The following FAM178B variants were observed in gnomAD, a reference collection of about 807,000 sequenced individuals.
FAM178B encodes family with sequence similarity 178 member B.
In FAM178B, 82 loss-of-function variants were observed where a neutral mutation model predicts 91.7. The observed-to-expected ratio is 0.89, with a 90% CI of 0.75 to 1.07. FAM178B has a LOEUF of 1.07. Among genes scored for constraint, FAM178B ranks in the 50% least tolerant of loss-of-function variants. The pLI is 0.00. For missense variants in FAM178B, 769 were observed against 846.7 expected, an observed-to-expected ratio of 0.91 and a Z score of 1.14; for synonymous variants, 368 against 359.4, an observed-to-expected ratio of 1.02 and a Z score of -0.27.
intron 4 of FAM178B, among the ~76,000 whole-genome samples, 193 bp downstream of exon 4, chr2:96,970,523 G>A (rs2082203062): frequency 1.3e-5 from 2 of 152,206 alleles, no homozygotes; most frequent in Non-Finnish European, 2.9e-5. Flanking sequence ...CGTGGTGGGA[G>A]TCTGGGGGCT....
intron 8 of FAM178B, among the ~76,000 whole-genome samples, chr2:96,947,110 A>T (rs1273977422): frequency 6.6e-6 from 1 of 152,206 alleles, no homozygotes; most frequent in Non-Finnish European, 1.5e-5. Context: ...CTGCTTAAGC[A>T]ACTTTCAACT....
intron 12 of FAM178B, among the ~76,000 whole-genome samples, chr2:96,910,702 T>C (rs1329674589): frequency 3.3e-5 from 5 of 152,134 alleles, no homozygotes; most frequent in Non-Finnish European, 7.4e-5. Context: ...CAGCCTTTAA[T>C]GCTTCCCTTC....
At chr2:96,960,151 T>C in intron 6 of FAM178B, 137 bp downstream of exon 6, 2 of 902,176 alleles carry the variant, frequency 2.2e-6, no homozygotes, top group Non-Finnish European at 1.6e-6. Context: ...CCTATATCTC[T>C]AAAAACTGAC....
At chr2:96,950,602 C>T (rs746028933) in intron 7 of FAM178B, among the ~76,000 whole-genome samples, 9 of 152,182 alleles carry the variant, frequency 5.9e-5, no homozygotes, top group Non-Finnish European at 1.2e-4. Context: ...CAGACAGGGA[C>T]GATTCTGGGT....
intron 9 of FAM178B, 68 bp downstream of exon 9, chr2:96,929,138 G>A (rs2081498151): frequency 7.1e-6 from 8 of 1,127,260 alleles, no homozygotes; most frequent in Non-Finnish European, 1.0e-5. Flanking sequence ...AGTTCTGAGT[G>A]ACAGAGAGAG....
chr2:96,912,657 G>A (rs1353114386), intron 12 of FAM178B, among the ~76,000 whole-genome samples: 2 of 152,172 alleles, frequency 1.3e-5, no homozygotes, highest in African/African-American at 2.4e-5. Flanking sequence ...AGAGGGAGCC[G>A]CGTCCTCTCC....
chr2:96,964,101 A>C (rs2082114933), intron 5 of FAM178B, among the ~76,000 whole-genome samples: 1 of 151,982 alleles, frequency 6.6e-6, no homozygotes, highest in South Asian at 2.1e-4. Flanking sequence ...AATCGTTTGA[A>C]CCTGGGAGGC....
intron 13 of FAM178B, among the ~76,000 whole-genome samples, chr2:96,901,017 C>A (rs992157454): frequency 2.0e-5 from 3 of 152,084 alleles, no homozygotes; most frequent in African/African-American, 7.2e-5. Flanking sequence ...AAGATTACTG[C>A]GGAGGTGCGG....
intron 13 of FAM178B, among the ~76,000 whole-genome samples, chr2:96,900,314 C>T (rs114707893): frequency 0.015 from 2,333 of 152,200 alleles, 25 homozygotes; most frequent in Non-Finnish European, 0.024. Flanking sequence ...ACCTCAGCAC[C>T]GGTCACCTCC....
intron 12 of FAM178B, among the ~76,000 whole-genome samples, chr2:96,904,005 T>C (rs1034976357): frequency 6.6e-6 from 1 of 152,124 alleles, no homozygotes; most frequent in Non-Finnish European, 1.5e-5. Context: ...GCTGGGGCCA[T>C]GCCAGGTGCT....
intron 14 of FAM178B, among the ~76,000 whole-genome samples, chr2:96,884,818 G>A (rs1171940699): frequency 8.5e-5 from 13 of 152,218 alleles, no homozygotes; most frequent in Admixed American, 5.2e-4. Context: ...AGCAGAGGGC[G>A]GTATCGAAAG....
intron 14 of FAM178B, among the ~76,000 whole-genome samples, chr2:96,889,500 G>A (rs998541788): frequency 1.3e-5 from 2 of 151,064 alleles, no homozygotes; most frequent in African/African-American, 4.9e-5. Flanking sequence ...CCAACATGGT[G>A]AAACCCCATC....
At chr2:96,887,437 G>A (rs1292222811) in intron 14 of FAM178B, among the ~76,000 whole-genome samples, 2 of 152,178 alleles carry the variant, frequency 1.3e-5, no homozygotes, top group African/African-American at 2.4e-5. Context: ...GACCCTAAAA[G>A]GTAGCTGTTC....
chr2:96,902,609 C>A lies in FAM178B; in HGVS notation c.1650+11G>T. The A allele has an allele frequency of 6.5e-7, 1 of 1,546,108 alleles. No homozygotes were observed. ...ATGGCCTTCCTGCCCAGGCCTGAAGCAAACACTCACCTGGGTCTTCTCTTG... is the reference window on the plus strand; with the variant it reads ...ATGGCCTTCCTGCCCAGGCCTGAAGAAAACACTCACCTGGGTCTTCTCTTG... On this transcript the variant is annotated intron_variant, in intron 13 of 16. Transcript: ENST00000490605.
intron 6 of FAM178B, chr2:96,951,753 T>C (rs1014198444): frequency 8.1e-6 from 3 of 371,222 alleles, no homozygotes; most frequent in African/African-American, 4.2e-5. Flanking sequence ...CTGGAGGCAG[T>C]GGCTCACGCC....
At chr2:96,886,749 G>A (rs2153367860) in intron 14 of FAM178B, among the ~76,000 whole-genome samples, 1 of 152,340 alleles carries the variant, frequency 6.6e-6, no homozygotes, top group East Asian at 1.9e-4. Context: ...TGCAGACTGA[G>A]GATGGCGTGT....
At chr2:96,897,855 G>T in intron 13 of FAM178B, 2 of 622,560 alleles carry the variant, frequency 3.2e-6, no homozygotes, top group Non-Finnish European at 4.0e-6. Context: ...CCACTTCTGC[G>T]CAGAAGTCAA....
intron 12 of FAM178B, among the ~76,000 whole-genome samples, chr2:96,905,486 G>C (rs1020690550): frequency 2.0e-5 from 3 of 151,108 alleles, no homozygotes; most frequent in Non-Finnish European, 4.4e-5. Flanking sequence ...GAACCCGGGA[G>C]GCAGAGGTTG....
chr2:96,949,133 C>G (rs1041192024), intron 7 of FAM178B, among the ~76,000 whole-genome samples: 14 of 152,214 alleles, frequency 9.2e-5, no homozygotes, highest in Non-Finnish European at 2.1e-4. Flanking sequence ...CTGGCCCACA[C>G]GAGGGCACAG....
Sources: gnomAD v4.1 joint callset for allele counts (sites outside exome capture counted in the v4.1 genomes callset) on GRCh38, gnomAD v4.1.1 for gene constraint, MANE v1.5 for transcripts, NCBI Gene and HGNC (gene_info 2026-07-23, HGNC 2026-07-21) for gene names.